The following SEZ6L variants were observed in gnomAD, a reference collection of about 807,000 sequenced individuals.
The protein encoded by SEZ6L is seizure related 6 homolog like.
In SEZ6L, 37 loss-of-function variants were observed where a neutral mutation model predicts 106.2. That is an observed-to-expected ratio of 0.35 (90% CI 0.27 to 0.46). The LOEUF (loss-of-function observed/expected upper bound fraction) is 0.46, where lower values mean the gene tolerates loss of function less well. Ranked by LOEUF, SEZ6L falls within the 20% of genes least tolerant of loss-of-function variation. The probability of loss-of-function intolerance (pLI) is 1.00; values close to 1 mark genes in which losing one functional copy is unlikely to be tolerated. For missense variants in SEZ6L, 1,172 were observed against 1,332.8 expected, an observed-to-expected ratio of 0.88 and a Z score of 1.88; for synonymous variants, 541 against 570.4, an observed-to-expected ratio of 0.95 and a Z score of 0.73.
At position 26,370,479 on chromosome 22, in the gene SEZ6L, T is replaced by G. The variant is rs547993572; in HGVS notation, c.2795-2972T>G. 3.3e-5 allele frequency among the ~76,000 whole-genome samples: 5 copies of G among 152,322 alleles called. No individual in the cohort carries two copies. The South Asian group carries it at 1.0e-3, about 32-fold the overall frequency. On this transcript the variant is annotated intron_variant, in intron 13 of 16. Transcript: ENST00000248933. ...GTTTGTATCTGCCACGGTAGCTTTT[T>G]AAATTCTTCTTGGATTAATTGCAAA...
chr22:26,337,106 A>G (rs1197794186), intron 9 of SEZ6L, among the ~76,000 whole-genome samples: 1 of 152,012 alleles, frequency 6.6e-6, no homozygotes, highest in Non-Finnish European at 1.5e-5. Context: ...CCCAGAGCTC[A>G]TGACATAGAC....
At chr22:26,336,503 T>C (rs1297653114) in intron 9 of SEZ6L, among the ~76,000 whole-genome samples, 1 of 152,172 alleles carries the variant, frequency 6.6e-6, no homozygotes, top group Non-Finnish European at 1.5e-5. Flanking sequence ...ATCTGGAGAA[T>C]CCAAATGCAA....
intron 9 of SEZ6L, 105 bp downstream of exon 9, chr22:26,314,007 C>T (rs1261435335): frequency 2.5e-6 from 3 of 1,218,486 alleles, no homozygotes; most frequent in Non-Finnish European, 3.5e-6. Flanking sequence ...TAAGCATCTA[C>T]TATGTGCCGG....
chr22:26,266,967 T>C (rs1276094942), intron 1 of SEZ6L, among the ~76,000 whole-genome samples: 1 of 152,128 alleles, frequency 6.6e-6, no homozygotes, highest in African/African-American at 2.4e-5. Flanking sequence ...AGAAATGATG[T>C]TAGAGCTGAG....
At chr22:26,204,594 C>T (rs1941183913) in intron 1 of SEZ6L, among the ~76,000 whole-genome samples, 1 of 152,182 alleles carries the variant, frequency 6.6e-6, no homozygotes, top group Non-Finnish European at 1.5e-5. Flanking sequence ...TTCTTAACTA[C>T]CAAGATCTAT....
chr22:26,206,599 G>T (rs1941284785), intron 1 of SEZ6L, among the ~76,000 whole-genome samples: 1 of 152,196 alleles, frequency 6.6e-6, no homozygotes, highest in South Asian at 2.1e-4. Flanking sequence ...ACACTAAACT[G>T]CTGCCAATAA....
chr22:26,264,328 C>T (rs1482873621), intron 1 of SEZ6L, among the ~76,000 whole-genome samples: 1 of 152,164 alleles, frequency 6.6e-6, no homozygotes, highest in Non-Finnish European at 1.5e-5. Context: ...AAGCTTCTGC[C>T]CCGATCTTGT....
intron 10 of SEZ6L, among the ~76,000 whole-genome samples, chr22:26,346,831 A>C (rs1322715891): frequency 6.6e-6 from 1 of 152,056 alleles, no homozygotes. Flanking sequence ...TGTTGTTATG[A>C]CCTAACCTCG....
chr22:26,188,169 C>T (rs1411766652), intron 1 of SEZ6L, among the ~76,000 whole-genome samples: 1 of 152,222 alleles, frequency 6.6e-6, no homozygotes, highest in Admixed American at 6.5e-5. Flanking sequence ...GGGAGCCTTC[C>T]CTGCCTGTCT....
At position 26,248,620 on chromosome 22, in the gene SEZ6L, G is replaced by T. The variant is rs2079450050; in HGVS notation, c.95-43786G>T. Among the ~76,000 whole-genome samples, 3 of 152,344 alleles carry T rather than the reference G, an allele frequency of 2.0e-5. No individual in the cohort carries two copies. The South Asian group carries it at 6.2e-4, about 32-fold the overall frequency. ...CCCAGCCGTGAATCACGGGATCCAG[G>T]ATTTGGACATACAATTCTGACTCTG... On this transcript the variant is annotated intron_variant, in intron 1 of 16. Transcript: ENST00000248933.
chr22:26,343,797 T>C (rs1042292640), intron 10 of SEZ6L, among the ~76,000 whole-genome samples: 2 of 152,198 alleles, frequency 1.3e-5, no homozygotes, highest in Non-Finnish European at 2.9e-5. Flanking sequence ...CAGTTCCTGA[T>C]TGTTATTCCT....
At chr22:26,350,981 C>T (rs1601586946) in intron 11 of SEZ6L, 71 bp from the exon 12 acceptor site, 1 of 1,482,458 alleles carries the variant, frequency 6.7e-7, no homozygotes, top group East Asian at 2.3e-5. Context: ...CTAGATCATT[C>T]TGTAATTCTC....
At chr22:26,258,504 C>T (rs2079897034) in intron 1 of SEZ6L, among the ~76,000 whole-genome samples, 1 of 152,186 alleles carries the variant, frequency 6.6e-6, no homozygotes, top group Non-Finnish European at 1.5e-5. Flanking sequence ...GAGAACACAG[C>T]ACATTTGATG....
In SEZ6L at chr22:26,347,896, C is replaced by G; in HGVS notation, c.2390C>G (p.Pro797Arg). ...CQWDLSWSSDPPFCEKIMYCT... is the reference protein window; with the variant it reads ...CQWDLSWSSDRPFCEKIMYCT... The stretch of plus-strand genomic sequence containing the variant: ...TGGGACCTCAGCTGGAGCAGCGACC[C>G]CCCATTTTGTGAGAAAAGTAAGAGT... Residue 797 changes from proline to arginine, a missense_variant, in exon 11 of 17, where the codon CCC (proline) becomes CGC (arginine). By Grantham distance (103) the Pro-to-Arg change is moderately radical (BLOSUM62 -2). Transcript: ENST00000248933. The G allele has an allele frequency of 1.3e-6, 2 of 1,569,832 alleles. No individual in the cohort carries two copies. The highest frequency in any genetic ancestry group is 1.7e-6 in the Non-Finnish European group (2 of 1,165,064).
chr22:26,358,284 C>T (rs540591416), intron 12 of SEZ6L, among the ~76,000 whole-genome samples: 51 of 152,184 alleles, frequency 3.4e-4, no homozygotes, highest in Non-Finnish European at 6.5e-4. Flanking sequence ...ACCAGCACGT[C>T]CAGGTTTGTA....
chr22:26,300,443 T>C (rs1032240360), intron 5 of SEZ6L, among the ~76,000 whole-genome samples: 1 of 152,230 alleles, frequency 6.6e-6, no homozygotes, highest in African/African-American at 2.4e-5. Flanking sequence ...CTGAGAATGA[T>C]GGTTTCCAGC....
intron 10 of SEZ6L, among the ~76,000 whole-genome samples, chr22:26,344,210 T>C (rs1347482078): frequency 6.6e-6 from 1 of 152,224 alleles, no homozygotes; most frequent in Non-Finnish European, 1.5e-5. Context: ...ACAGGAAGAC[T>C]CTGGGCCTAC....
intron 9 of SEZ6L, among the ~76,000 whole-genome samples, chr22:26,320,150 G>A (rs1358473413): frequency 6.6e-6 from 1 of 152,210 alleles, no homozygotes; most frequent in Non-Finnish European, 1.5e-5. Flanking sequence ...TTCAAAGGAT[G>A]TGTCATCATG....
chr22:26,226,337 A>C (rs940888221), intron 1 of SEZ6L, among the ~76,000 whole-genome samples: 1 of 152,142 alleles, frequency 6.6e-6, no homozygotes, highest in African/African-American at 2.4e-5. Context: ...ACCTCTCACC[A>C]CTGCTCAAGC....
Sources: gnomAD v4.1 joint callset for allele counts (sites outside exome capture counted in the v4.1 genomes callset) on GRCh38, gnomAD v4.1.1 for gene constraint, MANE v1.5 for transcripts, NCBI Gene and HGNC (gene_info 2026-07-23, HGNC 2026-07-21) for gene names.